Variants in HS3ST3A1 observed in about 807,000 individuals in gnomAD.
The protein encoded by HS3ST3A1 is heparan sulfate glucosamine 3-O-sulfotransferase 3A1.
Under a neutral mutation model 25.7 loss-of-function variants are expected in HS3ST3A1, and 19 were observed. The ratio of observed to expected loss-of-function variants is 0.74; its 90% CI spans 0.52 to 1.08. The LOEUF (loss-of-function observed/expected upper bound fraction) is 1.08. Ranked by LOEUF, HS3ST3A1 falls within the 50% of genes least tolerant of loss-of-function variation. The pLI, the probability that HS3ST3A1 is intolerant of heterozygous loss-of-function variation, is 0.00. For missense variants in HS3ST3A1, 459 were observed against 594.3 expected, an observed-to-expected ratio of 0.77 and a Z score of 2.37; for synonymous variants, 226 against 278.6, an observed-to-expected ratio of 0.81 and a Z score of 1.88.
intron 1 of HS3ST3A1, among the ~76,000 whole-genome samples, chr17:13,591,239 G>A (rs966233373): frequency 6.6e-6 from 1 of 151,688 alleles, no homozygotes; most frequent in Non-Finnish European, 1.5e-5. Context: ...TAGAGACAGG[G>A]TTTTACCATG....
intron 1 of HS3ST3A1, among the ~76,000 whole-genome samples, chr17:13,562,428 G>A (rs573514204): frequency 2.6e-5 from 4 of 152,216 alleles, no homozygotes; most frequent in Non-Finnish European, 4.4e-5. Context: ...ACAGCGGGTG[G>A]GGGGGAAAGT....
rs117751986 is a variant in HS3ST3A1 at position 13,527,622 on chromosome 17, G to A, written c.600-30804C>T. On this transcript the variant is annotated intron_variant, in intron 1 of 1. Transcript: ENST00000284110. ...CAAGAGCCCAGGTCTTTGGAAATGC[G>A]TCTAAGATAACCCCACAGCCCAGCA... is the stretch of plus-strand genomic sequence containing the variant. Among the ~76,000 whole-genome samples the A allele has an allele frequency of 1.7e-3, 259 of 152,240 alleles. 1 individual carries two copies. The highest frequency in any genetic ancestry group is 0.012 in the East Asian group (62 of 5,170).
At chr17:13,516,911 C>T (rs1906073252) in intron 1 of HS3ST3A1, among the ~76,000 whole-genome samples, 2 of 152,072 alleles carry the variant, frequency 1.3e-5, no homozygotes, top group Non-Finnish European at 2.9e-5. Context: ...TGGTCTTGAT[C>T]TCCTGACCTC....
chr17:13,542,503 C>T lies in HS3ST3A1; in HGVS notation c.600-45685G>A, dbSNP rs577297677. On this transcript the variant is annotated intron_variant, in intron 1 of 1. Transcript: ENST00000284110. The stretch of plus-strand genomic sequence containing the variant: ...ATGTGCAAGCCAAGGAGAGAGGTCG[C>T]GGGAGAGAACAACCCTACCCATCCT... Among the ~76,000 whole-genome samples, 18 of 151,948 alleles carry T rather than the reference C, an allele frequency of 1.2e-4. No individual in the cohort carries two copies. In the South Asian group the frequency reaches 1.3e-3, roughly 11 times the overall value.
At chr17:13,595,622 C>G (rs551716984) in intron 1 of HS3ST3A1, among the ~76,000 whole-genome samples, 2 of 152,114 alleles carry the variant, frequency 1.3e-5, no homozygotes, top group Admixed American at 6.5e-5. Flanking sequence ...ATCGCTTAAG[C>G]AGAACAAATT....
chr17:13,590,747 T>C (rs1908401240), intron 1 of HS3ST3A1, among the ~76,000 whole-genome samples: 1 of 152,176 alleles, frequency 6.6e-6, no homozygotes, highest in African/African-American at 2.4e-5. Context: ...ATAATGAAGA[T>C]AGAATAGTAC....
chr17:13,579,363 A>T (rs1041391905), intron 1 of HS3ST3A1, among the ~76,000 whole-genome samples: 9 of 152,168 alleles, frequency 5.9e-5, no homozygotes, highest in Non-Finnish European at 1.3e-4. Flanking sequence ...GTCCCAAATT[A>T]AAAAGTACCT....
At chr17:13,559,080 A>G (rs1203303406) in intron 1 of HS3ST3A1, among the ~76,000 whole-genome samples, 1 of 152,234 alleles carries the variant, frequency 6.6e-6, no homozygotes, top group South Asian at 2.1e-4. Context: ...CTCATGGGGA[A>G]ATTGTAACAA....
At chr17:13,541,694 A>G (rs563835899) in intron 1 of HS3ST3A1, among the ~76,000 whole-genome samples, 9 of 152,160 alleles carry the variant, frequency 5.9e-5, no homozygotes, top group African/African-American at 2.2e-4. Flanking sequence ...GTAATTTTCA[A>G]TGTTGTTTAG....
At chr17:13,523,445 C>T (rs1201720196) in intron 1 of HS3ST3A1, among the ~76,000 whole-genome samples, 2 of 152,050 alleles carry the variant, frequency 1.3e-5, no homozygotes, top group African/African-American at 2.4e-5. Context: ...GAAGAGGAAA[C>T]GAAAAGGATG....
chr17:13,597,741 A>C (rs1432377213), intron 1 of HS3ST3A1, among the ~76,000 whole-genome samples: 1 of 152,226 alleles, frequency 6.6e-6, no homozygotes, highest in Non-Finnish European at 1.5e-5. Context: ...AATGTGCTCA[A>C]ATGAAGGAAG....
intron 1 of HS3ST3A1, among the ~76,000 whole-genome samples, chr17:13,588,856 T>C (rs1319700337): frequency 6.6e-6 from 1 of 152,196 alleles, no homozygotes; most frequent in African/African-American, 2.4e-5. Context: ...GCTAATTTTT[T>C]TGTATTTTTA....
At chr17:13,599,923 G>A (rs1054364393) in intron 1 of HS3ST3A1, among the ~76,000 whole-genome samples, 2 of 152,176 alleles carry the variant, frequency 1.3e-5, no homozygotes, top group African/African-American at 4.8e-5. Flanking sequence ...TCAAACAAAA[G>A]TTATTGCCAA....
chr17:13,512,644 G>A (rs912789518), intron 1 of HS3ST3A1, among the ~76,000 whole-genome samples: 1 of 152,130 alleles, frequency 6.6e-6, no homozygotes, highest in Admixed American at 6.5e-5. Context: ...TCATTATCTG[G>A]ACCTTTTCAT....
At chr17:13,599,848 C>T (rs936021209) in intron 1 of HS3ST3A1, among the ~76,000 whole-genome samples, 1 of 152,184 alleles carries the variant, frequency 6.6e-6, no homozygotes, top group Admixed American at 6.5e-5. Context: ...TTCTGTCAGT[C>T]AAAAGACAAA....
chr17:13,547,897 A>G (rs1907130166), intron 1 of HS3ST3A1, among the ~76,000 whole-genome samples: 1 of 148,832 alleles, frequency 6.7e-6, no homozygotes, highest in Admixed American at 6.8e-5. Flanking sequence ...TGAGTTGTTG[A>G]ACACCTACTT....
At chr17:13,570,499 C>T (rs768956257) in intron 1 of HS3ST3A1, among the ~76,000 whole-genome samples, 2 of 152,012 alleles carry the variant, frequency 1.3e-5, no homozygotes, top group South Asian at 2.1e-4. Context: ...GTTTGTTTTT[C>T]GAGACAAACA....
At chr17:13,532,083 G>T (rs766741240) in intron 1 of HS3ST3A1, among the ~76,000 whole-genome samples, 1 of 152,144 alleles carries the variant, frequency 6.6e-6, no homozygotes, top group Non-Finnish European at 1.5e-5. Context: ...CAAAATCAAG[G>T]CTCTTTGCAA....
chr17:13,521,907 A>G (rs1248572978), intron 1 of HS3ST3A1, among the ~76,000 whole-genome samples: 1 of 152,104 alleles, frequency 6.6e-6, no homozygotes, highest in African/African-American at 2.4e-5. Context: ...GCATTGTAAA[A>G]TTTAGGCAGC....
Sources: gnomAD v4.1 joint callset for allele counts (sites outside exome capture counted in the v4.1 genomes callset) on GRCh38, gnomAD v4.1.1 for gene constraint, MANE v1.5 for transcripts, NCBI Gene and HGNC (gene_info 2026-07-23, HGNC 2026-07-21) for gene names.